KCNQ2: variants seen among roughly 807,000 people sequenced by gnomAD.
KCNQ2 encodes the protein potassium voltage-gated channel subfamily Q member 2, also known as potassium voltage-gated channel subfamily KQT member 2.
In KCNQ2, 14 loss-of-function variants were observed where a neutral mutation model predicts 84.8. The observed-to-expected ratio is 0.17, with a 90% CI of 0.11 to 0.26. KCNQ2 has a LOEUF of 0.26. Ranked by LOEUF, KCNQ2 falls within the 10% of genes least tolerant of loss-of-function variation. The pLI is 1.00. For missense variants in KCNQ2, 788 were observed against 1,254.0 expected (o/e 0.63, Z 5.61); for synonymous variants, 599 against 554.1 (o/e 1.08, Z -1.14).
chr20:63,418,643 G>A (rs2080372961), intron 12 of KCNQ2, among the ~76,000 whole-genome samples: 1 of 152,192 alleles, frequency 6.6e-6, no homozygotes, highest in Non-Finnish European at 1.5e-5. Flanking sequence ...CTGAATAGAT[G>A]CTCCGGACAC....
At position 63,455,802 on chromosome 20, in the gene KCNQ2, C is replaced by A. The variant is rs371395144; in HGVS notation, c.297-8965G>T. ...CCGGGAGACCCCTGTGCTCACGGAC[C>A]CCCCACCTCCGGGAGGCCCCTCTGC... On this transcript the variant is annotated intron_variant, in intron 1 of 16. Coordinates refer to ENST00000359125, the MANE Select transcript of KCNQ2 (RefSeq NM_172107.4). 9.6e-3 allele frequency among the ~76,000 whole-genome samples: 1,402 copies of A among 146,566 alleles called. 16 individuals are homozygous for A. The highest frequency in any genetic ancestry group is 0.018 in the Admixed American group (271 of 14,836).
rs2079801287 is a variant in KCNQ2 at position 63,401,153 on chromosome 20, A to C, written c.*5491T>G. On this transcript the variant is annotated 3_prime_UTR_variant, in exon 17 of 17. Coordinates refer to ENST00000359125, the MANE Select transcript of KCNQ2 (RefSeq NM_172107.4). The stretch of plus-strand genomic sequence containing the variant: ...GGCACCACGGCAAGTGTCCAAGCCC[A>C]GAGCACACTCAACTCCACCCCACAA... 1 of 341,574 alleles carries C rather than the reference A, an allele frequency of 2.9e-6. No homozygotes were observed. The highest frequency in any genetic ancestry group is 1.5e-4 in the South Asian group (1 of 6,498). The allele number at this position is 341,574 out of a possible 1,614,324, so 21.2% of individuals were successfully genotyped here.
intron 7 of KCNQ2, among the ~76,000 whole-genome samples, chr20:63,436,775 C>CTTTTTT (rs60028841): frequency 2.5e-5 from 3 of 122,384 alleles, no homozygotes; most frequent in Non-Finnish European, 3.3e-5. Context: ...ATAAACATAA[C>CTTTTTT]TTTTTTTTTT....
Position 63,413,594 on chromosome 20 carries a change from G to T in KCNQ2, c.1632-13C>A. On this transcript the variant is annotated splice_polypyrimidine_tract_variant and intron_variant, in intron 14 of 16. Coordinates refer to ENST00000359125, the MANE Select transcript of KCNQ2 (RefSeq NM_172107.4). ...GAACCGCATGACACTGCAGGGGGGT[G>T]GGTGGGGCTGTGAGCCCTGGGCCAG... The T allele has an allele frequency of 6.2e-7, 1 of 1,611,142 alleles. No individual in the cohort carries two copies. The highest frequency in any genetic ancestry group is 1.1e-5 in the South Asian group (1 of 91,042).
In KCNQ2 at chr20:63,400,888, T is replaced by C. The variant is rs2079795842; in HGVS notation, c.*5756A>G. 7.5e-6 allele frequency: 3 copies of C among 398,168 alleles called. No homozygotes were observed. The highest frequency in any genetic ancestry group is 2.1e-5 in the African/African-American group (1 of 48,604). The allele number at this position is 398,168 out of a possible 1,614,324, so 24.7% of individuals were successfully genotyped here. On this transcript the variant is annotated 3_prime_UTR_variant, in exon 17 of 17. Coordinates refer to ENST00000359125, the MANE Select transcript of KCNQ2 (RefSeq NM_172107.4). The surrounding 1 kb of genome is among the most constrained non-coding windows in gnomAD (Gnocchi z 8.7). ...CCACCTGTTCGCAGGGTCCAGGGCG[T>C]CCGTACCTGGCACAGCCAGGGGGCA...
chr20:63,462,190 T>G (rs76420500), intron 1 of KCNQ2, among the ~76,000 whole-genome samples: 15 of 113,486 alleles, frequency 1.3e-4, no homozygotes, highest in South Asian at 3.2e-4. Flanking sequence ...GGGAGGAGGC[T>G]GCATCTACCC....
At chr20:63,428,250 C>T (rs753132014) in intron 10 of KCNQ2, 117 bp downstream of exon 10, 16 of 764,664 alleles carry the variant, frequency 2.1e-5, no homozygotes, top group African/African-American at 3.5e-5. Flanking sequence ...AGCGTCCCCG[C>T]GCGTCCCAGC....
chr20:63,441,527 AG>A (rs1271692614), intron 5 of KCNQ2, among the ~76,000 whole-genome samples: 4 of 152,292 alleles, frequency 2.6e-5, no homozygotes, highest in African/African-American at 9.6e-5. Flanking sequence ...AAAGATAAGA[AG>A]GCTGTTGCCC....
intron 12 of KCNQ2, among the ~76,000 whole-genome samples, chr20:63,416,281 C>G (rs2080293342): frequency 6.6e-6 from 1 of 152,156 alleles, no homozygotes; most frequent in Non-Finnish European, 1.5e-5. Flanking sequence ...CTCGGGGGGT[C>G]CTTGGGCCTG....
At chr20:63,466,235 C>G (rs562657624) in intron 1 of KCNQ2, among the ~76,000 whole-genome samples, 2 of 152,286 alleles carry the variant, frequency 1.3e-5, no homozygotes, top group Admixed American at 6.5e-5. Context: ...GACAAACAGG[C>G]AAGCTTCCCA....
In KCNQ2 at chr20:63,460,119, C is replaced by A. The variant is rs1211962158; in HGVS notation, c.296+12049G>T. ...CCAGCCCAGCCTACTCCTCCCCAAA[C>A]CCGAGCCCCGGAGCTTCCCTGTCAT... On this transcript the variant is annotated intron_variant, in intron 1 of 16. Coordinates refer to ENST00000359125, the MANE Select transcript of KCNQ2 (RefSeq NM_172107.4). This position sits in a 1 kb window ranked among gnomAD's most constrained non-coding sequence, Gnocchi z 5.4. 2 of 152,332 alleles carry A rather than the reference C, an allele frequency of 1.3e-5. No homozygotes were observed. Among genetic ancestry groups the A allele is most frequent in the African/African-American group, 4.8e-5 (2 of 41,444 alleles). 9.4% of individuals were successfully genotyped at this position (152,332 alleles called of 1,614,324 possible).
At chr20:63,435,249 A>G (rs1434659182) in intron 7 of KCNQ2, among the ~76,000 whole-genome samples, 1 of 152,132 alleles carries the variant, frequency 6.6e-6, no homozygotes, top group African/African-American at 2.4e-5. Context: ...TTAGCCAGAT[A>G]TGGTGGTGCA....
In KCNQ2 at chr20:63,470,580, C is replaced by T. The variant is rs1199989298; in HGVS notation, c.296+1588G>A. On this transcript the variant is annotated intron_variant, in intron 1 of 16. Coordinates refer to ENST00000359125, the MANE Select transcript of KCNQ2 (RefSeq NM_172107.4). The stretch of plus-strand genomic sequence containing the variant: ...CAACGGGAAACCTCAGGAACAGCCA[C>T]GCTGGGCCCTTGGATCATGGACTCA... 2.6e-5 allele frequency among the ~76,000 whole-genome samples: 4 copies of T among 152,322 alleles called. No homozygotes were observed. The East Asian group carries it at 7.7e-4, about 29-fold the overall frequency.
rs770026404 is a variant in KCNQ2, at chr20:63,407,001, G to A, written c.2262C>T (p.Ala754=). 3 of 1,538,350 alleles carry A rather than the reference G, an allele frequency of 2.0e-6. No individual in the cohort carries two copies. The highest frequency in any genetic ancestry group is 2.4e-5 in the South Asian group (2 of 84,932). Residue 754 remains alanine, a synonymous_variant, in exon 17 of 17, where the codon GCC becomes GCT. Coordinates refer to ENST00000359125, the MANE Select transcript of KCNQ2 (RefSeq NM_172107.4). This position sits in a 1 kb window ranked among gnomAD's most constrained non-coding sequence, Gnocchi z 7.2. The part of the protein sequence containing the change: ...PPPAHERSLS[A]YGGGNRASME... ...TGCTGGCGCGGTTGCCCCCGCCGTA[G>A]GCGGACAGCGACCGCTCGTGGGCAG...
rs762324514 is a variant in KCNQ2 at position 63,406,893 on chromosome 20, G to A, written c.2370C>T (p.Ile790=). 6.2e-7 allele frequency: 1 copy of A among 1,611,570 alleles called. No individual in the cohort carries two copies. The highest frequency in any genetic ancestry group is 1.1e-5 in the South Asian group (1 of 90,888). ...CCAGCTCCTCGTGGTCCACGGACGG[G>A]ATGGAGATGGACGTGTCGCTGTCCC... is the stretch of plus-strand genomic sequence containing the variant. The part of the protein sequence containing the change: ...NLRDSDTSIS[I]PSVDHEELER... Residue 790 remains isoleucine (I), a synonymous_variant, in exon 17 of 17, where the codon ATC becomes ATT. Coordinates refer to ENST00000359125, the MANE Select transcript of KCNQ2 (RefSeq NM_172107.4).
At chr20:63,437,670 T>G (rs2081045367) in intron 7 of KCNQ2, among the ~76,000 whole-genome samples, 4 of 152,368 alleles carry the variant, frequency 2.6e-5, no homozygotes, top group Middle Eastern at 6.8e-3. Flanking sequence ...TCTCAAGATT[T>G]GCTGTCTAAG....
In KCNQ2 at chr20:63,408,532, C is replaced by A; in HGVS notation, c.1768G>T (p.Asp590Tyr). ...GCTGGGCCCCGCCCCACGATCTGGT[C>A]CACTCTACCGGGAACAGAGACCCCA... ...SRIKSLQSRV[D>Y]QIVGRGPAIT... Residue 590 changes from aspartate to tyrosine, a missense_variant, in exon 16 of 17, where the codon GAC becomes TAC. Transcript: ENST00000359125. The surrounding 1 kb of genome is among the most constrained non-coding windows in gnomAD (Gnocchi z 5.0). 6.2e-7 allele frequency: 1 copy of A among 1,610,846 alleles called. No homozygotes were observed. The highest frequency in any genetic ancestry group is 1.1e-5 in the South Asian group (1 of 90,724).
At chr20:63,427,091 A>G (rs1221397370) in intron 10 of KCNQ2, among the ~76,000 whole-genome samples, 1 of 152,168 alleles carries the variant, frequency 6.6e-6, no homozygotes, top group African/African-American at 2.4e-5. Context: ...GCGTAGTAGC[A>G]GGTGTCTGTA....
chr20:63,451,656 G>A (rs2081618764), intron 1 of KCNQ2, among the ~76,000 whole-genome samples: 1 of 152,174 alleles, frequency 6.6e-6, no homozygotes, highest in Non-Finnish European at 1.5e-5. Context: ...GGGTGGCCAT[G>A]CTGTTCCAGG....
Sources: gnomAD v4.1 joint callset for allele counts (sites outside exome capture counted in the v4.1 genomes callset) on GRCh38, gnomAD v4.1.1 for gene constraint, Gnocchi (gnomAD v3.1) non-coding constraint, MANE v1.5 for transcripts, NCBI Gene and HGNC (gene_info 2026-07-23, HGNC 2026-07-21) for gene names.